KIAA1328: variants seen among roughly 807,000 people sequenced by gnomAD.
The protein encoded by KIAA1328 is protein hinderin.
KIAA1328 carries 52 observed loss-of-function variants against 68.1 expected under a neutral mutation model. The observed-to-expected ratio is 0.76, with a 90% CI of 0.61 to 0.96. The LOEUF (loss-of-function observed/expected upper bound fraction) is 0.96, where lower values mean the gene tolerates loss of function less well. Ranked by LOEUF, KIAA1328 falls within the 40% of genes least tolerant of loss-of-function variation. KIAA1328 has a pLI of 0.00. For missense variants in KIAA1328, 641 were observed against 677.6 expected, an observed-to-expected ratio of 0.95 and a Z score of 0.60; for synonymous variants, 232 against 239.4, an observed-to-expected ratio of 0.97 and a Z score of 0.28.
intron 6 of KIAA1328, among the ~76,000 whole-genome samples, chr18:37,021,690 C>T (rs1476808560): frequency 6.6e-6 from 1 of 151,974 alleles, no homozygotes. Flanking sequence ...GGCTTTGGAA[C>T]CCCCCTCCCT....
intron 7 of KIAA1328, among the ~76,000 whole-genome samples, chr18:37,068,657 T>C (rs1028174938): frequency 6.6e-6 from 1 of 152,234 alleles, no homozygotes; most frequent in African/African-American, 2.4e-5. Context: ...TTGCCCATAT[T>C]CTAATTGGAT....
At chr18:37,229,930 A>G (rs1469321505), downstream of KIAA1328, 2 of 155,232 alleles carry the variant, frequency 1.3e-5, no homozygotes, top group East Asian at 1.9e-4. Context: ...CCTATTTTCA[A>G]ACTTACCCAC....
rs571714461 is a variant in KIAA1328 at position 36,886,882 on chromosome 18, A to G, written c.448+1210A>G. Among the ~76,000 whole-genome samples the G allele has an allele frequency of 3.2e-4, 48 of 152,326 alleles. No individual in the cohort carries two copies. In the South Asian group the frequency reaches 7.9e-3, roughly 25 times the overall value. ...TGGAAGCATAAAGATAAATTACAAT[A>G]ATTAGCTTGAAAAATACAAGACTGT... On this transcript the variant is annotated intron_variant, in intron 5 of 9. Coordinates refer to ENST00000280020, the MANE Select transcript of KIAA1328 (RefSeq NM_020776.3).
chr18:37,053,282 T>C (rs2055775352), intron 6 of KIAA1328, among the ~76,000 whole-genome samples: 1 of 152,150 alleles, frequency 6.6e-6, no homozygotes, highest in African/African-American at 2.4e-5. Flanking sequence ...TGGCTAGCCA[T>C]ATGCAGAGGA....
chr18:37,026,625 CAT>C (rs1418059947), intron 6 of KIAA1328, among the ~76,000 whole-genome samples: 2 of 152,170 alleles, frequency 1.3e-5, no homozygotes, highest in African/African-American at 4.8e-5. Context: ...ACAAAAACCA[CAT>C]GATTATCTCA....
intron 7 of KIAA1328, among the ~76,000 whole-genome samples, chr18:37,127,051 T>C (rs545479813): frequency 4.6e-4 from 70 of 152,332 alleles, no homozygotes; most frequent in Non-Finnish European, 8.5e-4. Context: ...TATTGACTTC[T>C]ATTCGGCATT....
At chr18:36,959,221 T>G in intron 5 of KIAA1328, 87 bp from the exon 6 acceptor site, 1 of 1,262,138 alleles carries the variant, frequency 7.9e-7, no homozygotes, top group Non-Finnish European at 1.1e-6. Context: ...TCTGGTTCTG[T>G]TTTGTTTATT....
intron 9 of KIAA1328, among the ~76,000 whole-genome samples, chr18:37,214,881 G>A (rs2060396155): frequency 6.6e-6 from 1 of 152,174 alleles, no homozygotes; most frequent in African/African-American, 2.4e-5. Flanking sequence ...CTTGTAAGTT[G>A]TATTCTTAGG....
intron 3 of KIAA1328, among the ~76,000 whole-genome samples, chr18:36,837,545 C>T (rs1277743939): frequency 6.6e-6 from 1 of 151,962 alleles, no homozygotes; most frequent in Non-Finnish European, 1.5e-5. Flanking sequence ...TGCCTTTTCA[C>T]TTTTTTATTG....
chr18:37,037,765 G>A (rs2055083835), intron 6 of KIAA1328, among the ~76,000 whole-genome samples: 1 of 151,166 alleles, frequency 6.6e-6, no homozygotes, highest in Non-Finnish European at 1.5e-5. Context: ...TTTCTACCTG[G>A]CCAGACCATG....
At chr18:37,144,405 T>G (rs745940918) in intron 7 of KIAA1328, among the ~76,000 whole-genome samples, 52 of 152,090 alleles carry the variant, frequency 3.4e-4, no homozygotes, top group Non-Finnish European at 7.1e-4. Context: ...TACTCTTTAC[T>G]GTTTCCTTCC....
chr18:36,936,196 G>A (rs571978932), intron 5 of KIAA1328, among the ~76,000 whole-genome samples: 1 of 151,348 alleles, frequency 6.6e-6, no homozygotes, highest in East Asian at 1.9e-4. Flanking sequence ...TGTCCAGAAC[G>A]TGAAGGTTTG....
chr18:37,192,093 G>A (rs1467072446), intron 9 of KIAA1328, among the ~76,000 whole-genome samples: 1 of 151,882 alleles, frequency 6.6e-6, no homozygotes, highest in Admixed American at 6.6e-5. Context: ...TGTCCCCACT[G>A]AAACAGCCCT....
intron 4 of KIAA1328, among the ~76,000 whole-genome samples, chr18:36,885,272 A>T (rs2048459546): frequency 6.6e-6 from 1 of 152,300 alleles, no homozygotes; most frequent in East Asian, 1.9e-4. Context: ...GTCCTGGATT[A>T]TAATTTGGCA....
intron 8 of KIAA1328, among the ~76,000 whole-genome samples, chr18:37,163,460 T>G (rs2059324687): frequency 6.6e-6 from 1 of 152,190 alleles, no homozygotes. Flanking sequence ...TGGTAGAGAT[T>G]GTGCCCTTCA....
Position 37,161,712 on chromosome 18 carries a change from T to A in KIAA1328, c.1414+1331T>A, listed in dbSNP as rs191628877. Among the ~76,000 whole-genome samples, 8 of 152,338 alleles carry A rather than the reference T, an allele frequency of 5.3e-5. No homozygotes were observed. The East Asian group carries it at 1.5e-3, about 29-fold the overall frequency. On this transcript the variant is annotated intron_variant, in intron 8 of 9. Transcript: ENST00000280020. ...GAAGAACTAGTCACAACTGGTGTGG[T>A]GGTTACACTGCAAGGCTTAACATAG...
intron 9 of KIAA1328, among the ~76,000 whole-genome samples, chr18:37,182,524 G>A (rs191882630): frequency 6.8e-4 from 103 of 152,200 alleles, no homozygotes; most frequent in Non-Finnish European, 1.0e-3. Context: ...CAGGCCTGGT[G>A]CATGGCTAAG....
intron 9 of KIAA1328, among the ~76,000 whole-genome samples, chr18:37,212,409 G>A (rs1042444119): frequency 3.9e-5 from 6 of 152,142 alleles, no homozygotes; most frequent in African/African-American, 9.7e-5. Context: ...ATCTTGCCTA[G>A]GACTTGAGGG....
At chr18:37,131,854 CT>C (rs2058530050) in intron 7 of KIAA1328, among the ~76,000 whole-genome samples, 1 of 152,138 alleles carries the variant, frequency 6.6e-6, no homozygotes, top group South Asian at 2.1e-4. Context: ...TACTCTGAGG[CT>C]TTTCATACTG....
Sources: allele counts gnomAD v4.1 joint callset (sites outside exome capture counted in the v4.1 genomes callset), GRCh38; gene constraint gnomAD v4.1.1; transcripts MANE v1.5; gene names NCBI Gene and HGNC (gene_info 2026-07-23, HGNC 2026-07-21).